MAP7: variants seen among roughly 807,000 people sequenced by gnomAD.
MAP7 encodes ensconsin.
Under a neutral mutation model 94.8 loss-of-function variants are expected in MAP7, and 52 were observed. That is an observed-to-expected ratio of 0.55 (90% CI 0.44 to 0.69). MAP7 has a LOEUF of 0.69. MAP7 is among the 30% of genes least tolerant of loss of function. The pLI is 0.00. For missense variants in MAP7, 940 were observed against 964.6 expected (o/e 0.97, Z 0.34); for synonymous variants, 350 against 357.0 (o/e 0.98, Z 0.22).
chr6:136,460,101 T>C (rs1228539534), intron 1 of MAP7, among the ~76,000 whole-genome samples: 3 of 152,128 alleles, frequency 2.0e-5, no homozygotes, highest in African/African-American at 7.2e-5. Flanking sequence ...GTGGAACAAG[T>C]CTTATACCTA....
chr6:136,528,405 A>G (rs1263942444), intron 1 of MAP7, among the ~76,000 whole-genome samples: 1 of 152,262 alleles, frequency 6.6e-6, no homozygotes, highest in Admixed American at 6.5e-5. Context: ...CAGATGATCA[A>G]TAAACACAGG....
chr6:136,345,716 C>T (rs1429534616), intron 17 of MAP7, 140 bp downstream of exon 17: 15 of 768,316 alleles, frequency 2.0e-5, no homozygotes, highest in Non-Finnish European at 3.4e-5. Context: ...GAGCCAGGCA[C>T]AATCTCTTCC....
chr6:136,418,206 G>GGTTT (rs372990678), intron 2 of MAP7, among the ~76,000 whole-genome samples: 2,194 of 152,118 alleles, frequency 0.014, 64 homozygotes, highest in African/African-American at 0.05. Context: ...TCTGTAATGT[G>GGTTT]GTTTGTTTGT....
rs757874230 is a variant in MAP7 at position 136,344,244 on chromosome 6, T to G, written c.2240-6A>C. 2 of 1,325,394 alleles carry G rather than the reference T, an allele frequency of 1.5e-6. No homozygotes were observed. Among genetic ancestry groups the G allele is most frequent in the South Asian group, 3.4e-5 (2 of 58,554 alleles). 82.1% of individuals were successfully genotyped at this position (1,325,394 alleles called of 1,614,324 possible). ...AAGAAACACTCATATAACTTCTACA[T>G]GAAGAGACAGAAAAAGAACAAGATT... is the stretch of plus-strand genomic sequence containing the variant. On this transcript the variant is annotated splice_region_variant and splice_polypyrimidine_tract_variant and intron_variant, in intron 17 of 17. Coordinates refer to ENST00000354570, the MANE Select transcript of MAP7 (RefSeq NM_003980.6).
At chr6:136,479,000 G>GA (rs755126805) in intron 1 of MAP7, among the ~76,000 whole-genome samples, 3 of 111,340 alleles carry the variant, frequency 2.7e-5, no homozygotes, top group African/African-American at 6.9e-5. Flanking sequence ...AAAAAAGAAA[G>GA]AAAGAAAAGA....
rs543552895 is a variant in MAP7, at chr6:136,433,679, C to T, written c.68-11880G>A. ...ACCATTCCTACCCTTCTTAGTTTTG[C>T]AAGCCTAACCTGCATGGGTTCCAGG... is the stretch of plus-strand genomic sequence containing the variant. On this transcript the variant is annotated intron_variant, in intron 1 of 17. Coordinates refer to ENST00000354570, the MANE Select transcript of MAP7 (RefSeq NM_003980.6). 5.3e-5 allele frequency among the ~76,000 whole-genome samples: 8 copies of T among 152,278 alleles called. No individual in the cohort carries two copies. In the South Asian group the frequency reaches 1.7e-3, roughly 32 times the overall value.
Position 136,486,997 on chromosome 6 carries a change from A to G in MAP7, c.67+63345T>C, listed in dbSNP as rs559880012. Among the ~76,000 whole-genome samples, 6 of 152,386 alleles carry G rather than the reference A, an allele frequency of 3.9e-5. No homozygotes were observed. In the South Asian group the frequency reaches 1.2e-3, roughly 32 times the overall value. On this transcript the variant is annotated intron_variant, in intron 1 of 17. Coordinates refer to ENST00000354570, the MANE Select transcript of MAP7 (RefSeq NM_003980.6). ...AAAAGAAAGGAAAGTGCTAACAAGTATACAAAATATGTAACATCACCAGTA... is the reference window on the plus strand; with the variant it reads ...AAAAGAAAGGAAAGTGCTAACAAGTGTACAAAATATGTAACATCACCAGTA...
At chr6:136,513,685 C>T (rs564304451) in intron 1 of MAP7, among the ~76,000 whole-genome samples, 9 of 152,208 alleles carry the variant, frequency 5.9e-5, no homozygotes, top group South Asian at 4.2e-4. Flanking sequence ...AGAATGACCC[C>T]GTATGGCAGA....
chr6:136,395,617 C>T (rs1782242386), intron 3 of MAP7, among the ~76,000 whole-genome samples: 1 of 151,896 alleles, frequency 6.6e-6, no homozygotes, highest in South Asian at 2.1e-4. Flanking sequence ...GGTCTTACCC[C>T]AAAACTCTTT....
At chr6:136,479,645 A>G (rs2056907655) in intron 1 of MAP7, among the ~76,000 whole-genome samples, 1 of 152,234 alleles carries the variant, frequency 6.6e-6, no homozygotes, top group Non-Finnish European at 1.5e-5. Context: ...TAACTGATAA[A>G]CAAATTTAGT....
intron 1 of MAP7, among the ~76,000 whole-genome samples, chr6:136,454,777 T>C (rs537781456): frequency 6.6e-6 from 1 of 152,062 alleles, no homozygotes; most frequent in Non-Finnish European, 1.5e-5. Context: ...CCCTCACCTG[T>C]ACTCACAGCT....
intron 1 of MAP7, among the ~76,000 whole-genome samples, chr6:136,439,236 A>G (rs142174389): frequency 6.6e-5 from 10 of 152,196 alleles, no homozygotes; most frequent in Non-Finnish European, 1.2e-4. Flanking sequence ...TGGGATTAGT[A>G]CCCTTATAAA....
At chr6:136,383,522 T>C (rs1778350262) in intron 6 of MAP7, 149 bp downstream of exon 6, 2 of 497,092 alleles carry the variant, frequency 4.0e-6, no homozygotes, top group Admixed American at 4.2e-5. Context: ...TGCTCAGCCG[T>C]TTATTGCTTT....
Position 136,443,741 on chromosome 6 carries a change from C to T in MAP7, c.68-21942G>A, listed in dbSNP as rs114816199. 5.0e-3 allele frequency among the ~76,000 whole-genome samples: 754 copies of T among 152,162 alleles called. 7 individuals carry two copies. Among genetic ancestry groups the T allele is most frequent in the African/African-American group, 0.017 (715 of 41,498 alleles). On this transcript the variant is annotated intron_variant, in intron 1 of 17. Transcript: ENST00000354570. ...CTGAGATTACAGGCATGAGCCACCA[C>T]GCCTGGCCCCCTTCTACTTTCGTAA... is the stretch of plus-strand genomic sequence containing the variant.
chr6:136,366,044 C>CAAAAGGGGACACATGAGAA, intron 9 of MAP7, 26 bp from the exon 10 acceptor site: 1 of 1,594,200 alleles, frequency 6.3e-7, no homozygotes, highest in East Asian at 2.2e-5. Flanking sequence ...ACAAGGCAGA[C>CAAAAGGGGACACATGAGAA]AAAAGGGGAC....
rs1049888113 is a variant in MAP7 at position 136,354,420 on chromosome 6, AATATATATAGTAGATAT to A, written c.2015+2255_2015+2271del. Among the ~76,000 whole-genome samples the A allele has an allele frequency of 1.5e-4, 21 of 144,742 alleles. No individual in the cohort carries two copies. In the East Asian group the frequency reaches 3.1e-3, roughly 22 times the overall value. The allele number at this position is 144,742 out of a possible 152,430, so 95.0% of individuals were successfully genotyped here. On this transcript the variant is annotated intron_variant, in intron 16 of 17. Coordinates refer to ENST00000354570, the MANE Select transcript of MAP7 (RefSeq NM_003980.6). The stretch of plus-strand genomic sequence containing the variant: ...TATATATATAGTAGATATATATAAA[AATATATATAGTAGATAT>A]ATATATATAGTAGATATATATAAAA...
intron 1 of MAP7, among the ~76,000 whole-genome samples, chr6:136,428,716 T>C (rs1375965342): frequency 6.6e-6 from 1 of 152,218 alleles, no homozygotes; most frequent in African/African-American, 2.4e-5. Flanking sequence ...GTCATAGTCA[T>C]CATATTCTGA....
chr6:136,470,381 T>C (rs899704243), intron 1 of MAP7, among the ~76,000 whole-genome samples: 1 of 152,142 alleles, frequency 6.6e-6, no homozygotes, highest in Non-Finnish European at 1.5e-5. Context: ...GTGTACAACA[T>C]AATGGTGTGC....
intron 1 of MAP7, among the ~76,000 whole-genome samples, chr6:136,456,873 A>AGAAGAAG (rs1803407025): frequency 6.7e-6 from 1 of 150,280 alleles, no homozygotes; most frequent in African/African-American, 2.4e-5. Flanking sequence ...AAGAAGAAGA[A>AGAAGAAG]ATACTTCAAA....
Sources: allele counts gnomAD v4.1 joint callset (sites outside exome capture counted in the v4.1 genomes callset), GRCh38; gene constraint gnomAD v4.1.1; transcripts MANE v1.5; gene names NCBI Gene and HGNC (gene_info 2026-07-23, HGNC 2026-07-21).